Variants in ZXDC observed in about 807,000 individuals in gnomAD.
ZXDC encodes the protein zinc finger protein ZXDC.
In ZXDC, 58 loss-of-function variants were observed where a neutral mutation model predicts 63.6. The observed-to-expected ratio is 0.91, with a 90% CI of 0.74 to 1.13. The LOEUF is 1.13. Ranked by LOEUF, ZXDC falls within the 50% of genes most tolerant of loss-of-function variation. The pLI, the probability that ZXDC is intolerant of heterozygous loss-of-function variation, is 0.00. For synonymous variants in ZXDC, 561 were observed against 496.1 expected (o/e 1.13, Z -1.74); for missense variants, 1,133 against 1,148.9 (o/e 0.99, Z 0.20).
Position 126,475,493 on chromosome 3 carries a change from G to A in ZXDC, c.373C>T (p.Pro125Ser), listed in dbSNP as rs1279660166. Residue 125 changes from proline to serine, a missense_variant, in exon 1 of 10, where the codon CCG becomes TCG. Physicochemically the swap from Pro to Ser is moderately conservative, Grantham distance 74. Coordinates refer to ENST00000389709, the MANE Select transcript of ZXDC (RefSeq NM_025112.5). ...CTGCTGATGGTGACGGCGCCCGCCGGGGCTACGCCAGGGCCGGGGGGGGCG... is the reference window on the plus strand; with the variant it reads ...CTGCTGATGGTGACGGCGCCCGCCGAGGCTACGCCAGGGCCGGGGGGGGCG... ...PAAPPGPGVAPAGAVTISSQD... is the reference protein window; with the variant it reads ...PAAPPGPGVASAGAVTISSQD... 1 of 1,226,166 alleles carries A rather than the reference G, an allele frequency of 8.2e-7. No individual in the cohort carries two copies. Among genetic ancestry groups the A allele is most frequent in the Non-Finnish European group, 1.0e-6 (1 of 985,990 alleles). The allele number at this position is 1,226,166 out of a possible 1,614,324, so 76.0% of individuals were successfully genotyped here. A position where few individuals can be genotyped will look rare whatever the true frequency, so the allele number is the denominator to read the frequency against.
intron 8 of ZXDC, chr3:126,440,960 G>C: frequency 1.0e-6 from 1 of 985,634 alleles, no homozygotes; most frequent in Non-Finnish European, 1.2e-6. Context: ...CCGCACTTCC[G>C]TGGGGCCTGC....
In ZXDC at chr3:126,467,720, C is replaced by T. The variant is rs181183217; in HGVS notation, c.1271-1395G>A. 5.9e-5 allele frequency among the ~76,000 whole-genome samples: 9 copies of T among 152,306 alleles called. No homozygotes were observed. In the South Asian group the frequency reaches 6.2e-4, roughly 11 times the overall value. ...CGACGGCCCAGGACTGCCCTGCAAG[C>T]GCGCAGTTTCCTCTGCATGCCCTGC... On this transcript the variant is annotated intron_variant, in intron 4 of 9. Coordinates refer to ENST00000389709, the MANE Select transcript of ZXDC (RefSeq NM_025112.5).
chr3:126,469,627 A>T (rs1934901883), intron 4 of ZXDC, among the ~76,000 whole-genome samples: 1 of 152,008 alleles, frequency 6.6e-6, no homozygotes. Context: ...CGCTCACCCA[A>T]GCACTCAAGC....
intron 7 of ZXDC, chr3:126,455,097 T>C: frequency 1.0e-6 from 1 of 985,430 alleles, no homozygotes; most frequent in South Asian, 4.7e-5. Context: ...CTTGGACTTA[T>C]TACAGGTCCA....
chr3:126,469,874 T>C (rs1004198605), intron 4 of ZXDC, among the ~76,000 whole-genome samples: 3 of 152,252 alleles, frequency 2.0e-5, no homozygotes, highest in Non-Finnish European at 2.9e-5. Flanking sequence ...CTTGTATATA[T>C]GTTCATTATG....
intron 7 of ZXDC, chr3:126,451,999 C>G (rs753013505): frequency 1.0e-6 from 1 of 985,302 alleles, no homozygotes; most frequent in Non-Finnish European, 1.2e-6. Context: ...TTTAACCTCT[C>G]ATCTTCATTC....
chr3:126,451,190 T>C lies in ZXDC; in HGVS notation c.2212+8463A>G, dbSNP rs1007104746. 5 of 985,204 alleles carry C rather than the reference T, an allele frequency of 5.1e-6. No individual in the cohort carries two copies. In the African/African-American group the frequency reaches 8.7e-5, roughly 17 times the overall value. 61.0% of individuals were successfully genotyped at this position (985,204 alleles called of 1,614,324 possible). A position where few individuals can be genotyped will look rare whatever the true frequency, so the allele number is the denominator to read the frequency against. ...TTTCCAATAGAAAAAGTAGAAATGA[T>C]CATAATAAAACATTCACAATCTTAA... On this transcript the variant is annotated intron_variant, in intron 7 of 9. Transcript: ENST00000389709.
At chr3:126,457,420 C>G (rs1163869178) in intron 7 of ZXDC, 1 of 985,284 alleles carries the variant, frequency 1.0e-6, no homozygotes, top group Non-Finnish European at 1.2e-6. Flanking sequence ...GGTGGCCTTC[C>G]TGCACTGGCT....
rs1935189675 is a variant in ZXDC at position 126,475,646 on chromosome 3, A to AGTCGCC, written c.214_219dup (p.Gly72_Asp73dup). The AGTCGCC allele has an allele frequency of 6.8e-7, 1 of 1,464,892 alleles. No individual in the cohort carries two copies. The highest frequency in any genetic ancestry group is 9.0e-7 in the Non-Finnish European group (1 of 1,106,422). The allele number at this position is 1,464,892 out of a possible 1,614,324, so 90.7% of individuals were successfully genotyped here. On this transcript the variant is annotated inframe_insertion, in exon 1 of 10. Coordinates refer to ENST00000389709, the MANE Select transcript of ZXDC (RefSeq NM_025112.5). The stretch of plus-strand genomic sequence containing the variant: ...GGCACTTCCAGCAGCACCAAGAAAG[A>AGTCGCC]GTCGCCGTCGCTGTCGTCCTCGGCG...
chr3:126,468,888 C>T (rs1934872935), intron 4 of ZXDC, among the ~76,000 whole-genome samples: 1 of 152,222 alleles, frequency 6.6e-6, no homozygotes, highest in African/African-American at 2.4e-5. Flanking sequence ...CTGGTCCTGC[C>T]AGTACCCGTC....
intron 4 of ZXDC, among the ~76,000 whole-genome samples, chr3:126,468,225 C>A (rs1377206760): frequency 6.6e-6 from 1 of 152,082 alleles, no homozygotes; most frequent in Non-Finnish European, 1.5e-5. Flanking sequence ...CAGGCCCCAG[C>A]ACACATAGCC....
chr3:126,453,003 G>A, intron 7 of ZXDC: 9 of 984,892 alleles, frequency 9.1e-6, no homozygotes, highest in Non-Finnish European at 1.1e-5. Context: ...CTCCCACAGT[G>A]CTGGGATTAC....
Position 126,475,386 on chromosome 3 carries a change from A to AGCG in ZXDC, c.477_479dup (p.Ala160dup), listed in dbSNP as rs1326471854. 6.5e-6 allele frequency: 8 copies of AGCG among 1,228,932 alleles called. No homozygotes were observed. The highest frequency in any genetic ancestry group is 7.1e-6 in the Non-Finnish European group (7 of 981,990). 76.1% of individuals were successfully genotyped at this position (1,228,932 alleles called of 1,614,324 possible). ...CGGAGGCCTGGGGCGCGCGGCGGGG[A>AGCG]GCGGCGGCGCCCGCGGTTGCGGGGC... is the stretch of plus-strand genomic sequence containing the variant. On this transcript the variant is annotated inframe_insertion, in exon 1 of 10. Transcript: ENST00000389709.
Position 126,468,238 on chromosome 3 carries a change from G to A in ZXDC, c.1271-1913C>T, listed in dbSNP as rs147572097. On this transcript the variant is annotated intron_variant, in intron 4 of 9. Transcript: ENST00000389709. ...CACAGGCCCCAGCACACATAGCCCC[G>A]AGGCCGCAACGAGGCCACCCAACAC... 5.4e-4 allele frequency among the ~76,000 whole-genome samples: 82 copies of A among 152,084 alleles called. No homozygotes were observed. The East Asian group carries it at 0.015, about 28-fold the overall frequency.
Position 126,475,556 on chromosome 3 carries a change from G to C in ZXDC, c.310C>G (p.Leu104Val), listed in dbSNP as rs779042122. 1.4e-6 allele frequency: 2 copies of C among 1,403,642 alleles called. No homozygotes were observed. The highest frequency in any genetic ancestry group is 1.9e-6 in the Non-Finnish European group (2 of 1,075,812). 86.9% of individuals were successfully genotyped at this position (1,403,642 alleles called of 1,614,324 possible). The change falls in exon 1 of 10, where the codon CTG becomes GTG. Residue 104 changes from leucine to valine, a missense_variant. Coordinates refer to ENST00000389709, the MANE Select transcript of ZXDC (RefSeq NM_025112.5). ...GGGCCCTGCTCGGGGCGGCTCGCCA[G>C]GTTGACACGGGAGCCAGGCTCGGCC... ...QEAEPGSRVN[L>V]ASRPEQGPSG...
chr3:126,460,720 T>C lies in ZXDC; in HGVS notation c.2127+815A>G, dbSNP rs527639469. 4.1e-6 allele frequency: 4 copies of C among 985,396 alleles called. No individual in the cohort carries two copies. In the South Asian group the frequency reaches 1.4e-4, roughly 35 times the overall value. The allele number at this position is 985,396 out of a possible 1,614,324, so 61.0% of individuals were successfully genotyped here. A position where few individuals can be genotyped will look rare whatever the true frequency, so the allele number is the denominator to read the frequency against. On this transcript the variant is annotated intron_variant, in intron 6 of 9. Transcript: ENST00000389709. ...ACACCAGAAATGCAGAGACAGAGAC[T>C]GTCCTCCTCTCTGACTGAAAGAAAT... is the stretch of plus-strand genomic sequence containing the variant.
intron 7 of ZXDC, chr3:126,452,921 C>T (rs1934161349): frequency 3.1e-6 from 2 of 639,424 alleles, no homozygotes; most frequent in Non-Finnish European, 3.9e-6. Flanking sequence ...ATTTTTTTTA[C>T]AGATGGGGGT....
intron 8 of ZXDC, 71 bp downstream of exon 8, chr3:126,441,694 G>C: frequency 1.4e-6 from 2 of 1,471,210 alleles, no homozygotes; most frequent in Non-Finnish European, 8.9e-7. Flanking sequence ...GCAGCATGCC[G>C]CACACTGCTC....
At chr3:126,450,843 G>A (rs1934074341) in intron 7 of ZXDC, among the ~76,000 whole-genome samples, 1 of 152,252 alleles carries the variant, frequency 6.6e-6, no homozygotes, top group South Asian at 2.1e-4. Context: ...CTGAGCTGCA[G>A]TGCCAGCACA....
Sources: allele counts gnomAD v4.1 joint callset (sites outside exome capture counted in the v4.1 genomes callset), GRCh38; gene constraint gnomAD v4.1.1; transcripts MANE v1.5; gene names NCBI Gene and HGNC (gene_info 2026-07-23, HGNC 2026-07-21).